RAPGEF1: variants seen among roughly 807,000 people sequenced by gnomAD.
RAPGEF1 encodes the protein Rap guanine nucleotide exchange factor 1.
Under a neutral mutation model 143.3 loss-of-function variants are expected in RAPGEF1, and 33 were observed. That is an observed-to-expected ratio of 0.23 (90% CI 0.17 to 0.31). The LOEUF (loss-of-function observed/expected upper bound fraction) is 0.31, where lower values mean the gene tolerates loss of function less well. RAPGEF1 is among the 10% of genes least tolerant of loss of function. RAPGEF1 has a pLI of 1.00. For missense variants in RAPGEF1, 1,199 were observed against 1,645.4 expected (o/e 0.73, Z 4.69); for synonymous variants, 629 against 676.5 (o/e 0.93, Z 1.09).
chr9:131,725,760 GTT>G (rs71501267), intron 1 of RAPGEF1, among the ~76,000 whole-genome samples: 7 of 132,604 alleles, frequency 5.3e-5, no homozygotes, highest in Admixed American at 7.7e-5. Context: ...ATTGGGTTGT[GTT>G]TTTTTTTTTT....
chr9:131,686,673 T>G (rs534992256), intron 1 of RAPGEF1, among the ~76,000 whole-genome samples: 10 of 152,224 alleles, frequency 6.6e-5, no homozygotes, highest in African/African-American at 2.4e-4. Context: ...CTCTCTGTGT[T>G]GTAGGTTACA....
At chr9:131,677,839 G>A (rs1177146490) in intron 1 of RAPGEF1, among the ~76,000 whole-genome samples, 6 of 152,168 alleles carry the variant, frequency 3.9e-5, no homozygotes. Context: ...GCCTTAACAC[G>A]AGTCTTGGTC....
At chr9:131,715,757 C>T (rs1030354719) in intron 1 of RAPGEF1, among the ~76,000 whole-genome samples, 9 of 149,954 alleles carry the variant, frequency 6.0e-5, no homozygotes, top group East Asian at 2.0e-4. Context: ...CCAAGCTACT[C>T]GGGAGGCTGA....
chr9:131,604,762 T>C (rs533976708), intron 13 of RAPGEF1, among the ~76,000 whole-genome samples, 169 bp downstream of exon 13: 2 of 152,286 alleles, frequency 1.3e-5, no homozygotes, highest in South Asian at 4.1e-4. Context: ...CCTCAGTAGC[T>C]GTCAGCTCAG....
At chr9:131,606,469 A>AC (rs951042561) in intron 12 of RAPGEF1, among the ~76,000 whole-genome samples, 79 of 152,352 alleles carry the variant, frequency 5.2e-4, no homozygotes, top group African/African-American at 1.8e-3. Flanking sequence ...TCACTGGCCC[A>AC]CTACAGAGGC....
chr9:131,602,692 A>G (rs1053462671), intron 14 of RAPGEF1, among the ~76,000 whole-genome samples: 1 of 152,212 alleles, frequency 6.6e-6, no homozygotes, highest in Non-Finnish European at 1.5e-5. Context: ...GATTTAAAGA[A>G]GTCCTCAGGG....
At chr9:131,679,169 G>T (rs183545666) in intron 1 of RAPGEF1, among the ~76,000 whole-genome samples, 12 of 150,392 alleles carry the variant, frequency 8.0e-5, no homozygotes, top group Middle Eastern at 3.4e-3. Flanking sequence ...TGTGACAAGG[G>T]GGGGGCCACA....
intron 1 of RAPGEF1, among the ~76,000 whole-genome samples, chr9:131,680,469 A>G (rs1832811600): frequency 6.6e-6 from 1 of 152,248 alleles, no homozygotes; most frequent in Non-Finnish European, 1.5e-5. Flanking sequence ...CATGATGGCC[A>G]TAATGCCCAC....
At chr9:131,629,075 G>A in intron 7 of RAPGEF1, 27 bp downstream of exon 7, 2 of 1,604,330 alleles carry the variant, frequency 1.2e-6, no homozygotes, top group Non-Finnish European at 1.7e-6. Context: ...GCCATGGGAG[G>A]CACTGGACAA....
chr9:131,587,105 T>C (rs11243443), intron 22 of RAPGEF1, among the ~76,000 whole-genome samples: 21,733 of 40,266 alleles, frequency 0.54, 5,875 homozygotes, highest in Non-Finnish European at 0.56. Flanking sequence ...GACTCCGTCT[T>C]ACACACACAC....
chr9:131,603,787 G>A (rs1035044788), intron 14 of RAPGEF1, among the ~76,000 whole-genome samples, 174 bp downstream of exon 14: 10 of 152,220 alleles, frequency 6.6e-5, no homozygotes, highest in East Asian at 1.9e-4. Flanking sequence ...TGGAAGCCAC[G>A]TCCTCTCCAA....
intron 5 of RAPGEF1, among the ~76,000 whole-genome samples, chr9:131,632,543 T>C (rs1965220380): frequency 6.6e-6 from 1 of 152,242 alleles, no homozygotes; most frequent in Non-Finnish European, 1.5e-5. Flanking sequence ...GTATCATTAA[T>C]GTGGTAATTT....
intron 3 of RAPGEF1, among the ~76,000 whole-genome samples, chr9:131,647,797 G>A (rs1372792023): frequency 3.3e-5 from 5 of 152,178 alleles, no homozygotes. Context: ...CTTGGGTGAA[G>A]ATCACACCTA....
rs557832816 is a variant in RAPGEF1, at chr9:131,709,985, CTT to C, written c.61+29783_61+29784del. 2.4e-3 allele frequency: 2,318 copies of C among 974,270 alleles called. 4 individuals are homozygous for C. Among genetic ancestry groups the C allele is most frequent in the Non-Finnish European group, 2.6e-3 (2,120 of 819,852 alleles). 60.4% of individuals were successfully genotyped at this position (974,270 alleles called of 1,614,324 possible). A position where few individuals can be genotyped will look rare whatever the true frequency, so the allele number is the denominator to read the frequency against. The stretch of plus-strand genomic sequence containing the variant: ...CTCTTTCCTCAGCATCCTTTTGACA[CTT>C]TATTACTCATCAGCACAACAGCGGC... On this transcript the variant is annotated intron_variant, in intron 1 of 26. Transcript: ENST00000683357.
At chr9:131,625,728 A>G (rs1037464813) in intron 10 of RAPGEF1, among the ~76,000 whole-genome samples, 194 bp downstream of exon 10, 1 of 152,214 alleles carries the variant, frequency 6.6e-6, no homozygotes, top group Non-Finnish European at 1.5e-5. Context: ...AGGAGAGGTC[A>G]GCTGATGAGG....
chr9:131,706,177 C>A (rs1023342393), intron 1 of RAPGEF1, among the ~76,000 whole-genome samples: 1 of 152,096 alleles, frequency 6.6e-6, no homozygotes, highest in Non-Finnish European at 1.5e-5. Flanking sequence ...TGCCCTGGAA[C>A]CTGGGGCCAT....
intron 17 of RAPGEF1, among the ~76,000 whole-genome samples, chr9:131,595,028 G>A (rs1955001835): frequency 6.6e-6 from 1 of 152,262 alleles, no homozygotes. Context: ...CGGCGCTCAG[G>A]ATGCTGCTGA....
chr9:131,602,915 G>A (rs1460206271), intron 14 of RAPGEF1, among the ~76,000 whole-genome samples: 1 of 152,236 alleles, frequency 6.6e-6, no homozygotes, highest in Non-Finnish European at 1.5e-5. Context: ...AAGGCAAGGA[G>A]CCAGTGAGCC....
chr9:131,605,114 C>T lies in RAPGEF1; in HGVS notation c.2136G>A (p.Pro712=), dbSNP rs538134552. Reference sequence around the variant, plus strand: ...AATGTGGAGAGGAAGAGGAGGTAGGCGGAAGGAAAGGCGGAACGGAAGCTT... The same window carrying T: ...AATGTGGAGAGGAAGAGGAGGTAGGTGGAAGGAAAGGCGGAACGGAAGCTT... ...HHQASVPPFL[P]PTSSSSPHFP... Residue 712 remains proline (P), a synonymous_variant, in exon 13 of 27, where the codon CCG becomes CCA. Transcript: ENST00000683357. The T allele has an allele frequency of 3.9e-5, 53 of 1,364,196 alleles. No homozygotes were observed. In the African/African-American group the frequency reaches 6.1e-4, roughly 16 times the overall value. 84.5% of individuals were successfully genotyped at this position (1,364,196 alleles called of 1,614,324 possible).
Sources: allele counts gnomAD v4.1 joint callset (sites outside exome capture counted in the v4.1 genomes callset), GRCh38; gene constraint gnomAD v4.1.1; transcripts MANE v1.5; gene names NCBI Gene and HGNC (gene_info 2026-07-23, HGNC 2026-07-21).